UST: variants seen among roughly 807,000 people sequenced by gnomAD.
UST encodes the protein chondroitin sulfate 2-O-sulfotransferase.
Under a neutral mutation model 45.6 loss-of-function variants are expected in UST, and 21 were observed. The observed-to-expected ratio is 0.46, with a 90% CI of 0.33 to 0.66. UST has a LOEUF of 0.66. Among genes scored for constraint, UST ranks in the 30% least tolerant of loss-of-function variants. The pLI is 0.02. For missense variants in UST, 463 were observed against 512.4 expected, an observed-to-expected ratio of 0.90 and a Z score of 0.93; for synonymous variants, 215 against 200.6, an observed-to-expected ratio of 1.07 and a Z score of -0.61.
chr6:148,775,162 C>T (rs1776506853), intron 1 of UST, among the ~76,000 whole-genome samples: 1 of 152,162 alleles, frequency 6.6e-6, no homozygotes, highest in African/African-American at 2.4e-5. Context: ...CTCCTAGGCC[C>T]GCCCTCTACC....
intron 5 of UST, among the ~76,000 whole-genome samples, chr6:149,006,761 T>C (rs2115009143): frequency 6.6e-6 from 1 of 152,284 alleles, no homozygotes; most frequent in Admixed American, 6.5e-5. Flanking sequence ...GCAACTGTTG[T>C]TTCTTGACTT....
intron 7 of UST, among the ~76,000 whole-genome samples, chr6:149,030,678 A>G (rs1472921418): frequency 6.6e-6 from 1 of 151,812 alleles, no homozygotes; most frequent in Admixed American, 6.6e-5. Flanking sequence ...TTCAGCAGCC[A>G]TGTCCCAGGC....
Position 148,976,002 on chromosome 6 carries a change from G to A in UST, c.681+11439G>A, listed in dbSNP as rs934298288. Among the ~76,000 whole-genome samples, 9 of 152,184 alleles carry A rather than the reference G, an allele frequency of 5.9e-5. No individual in the cohort carries two copies. The South Asian group carries it at 1.2e-3, about 21-fold the overall frequency. On this transcript the variant is annotated intron_variant, in intron 5 of 7. Transcript: ENST00000367463. ...TATAGGCAACATTAACAGGCAAATC[G>A]AATGGAGACAATATTTACAAATATG... is the stretch of plus-strand genomic sequence containing the variant.
chr6:148,920,370 C>G (rs923354791), intron 2 of UST, among the ~76,000 whole-genome samples: 2 of 152,094 alleles, frequency 1.3e-5, no homozygotes, highest in African/African-American at 4.8e-5. Flanking sequence ...TCCAGCCTCG[C>G]CCCCACCACT....
intron 5 of UST, among the ~76,000 whole-genome samples, chr6:148,998,090 G>A (rs370683425): frequency 5.3e-5 from 8 of 152,226 alleles, no homozygotes; most frequent in Admixed American, 3.9e-4. Context: ...CAGCTAAGAA[G>A]GCAAAATCAT....
intron 7 of UST, among the ~76,000 whole-genome samples, chr6:149,062,742 CA>C (rs1776671765): frequency 6.6e-6 from 1 of 152,202 alleles, no homozygotes; most frequent in Non-Finnish European, 1.5e-5. Flanking sequence ...GCCCACTTTC[CA>C]GTGCTTGGAC....
At chr6:149,030,432 A>G (rs751743193) in intron 7 of UST, among the ~76,000 whole-genome samples, 3 of 151,740 alleles carry the variant, frequency 2.0e-5, no homozygotes, top group Admixed American at 1.3e-4. Context: ...ACTTGAGCCT[A>G]GGAATTCAAG....
chr6:148,873,496 C>A (rs976657708), intron 1 of UST, among the ~76,000 whole-genome samples: 2 of 152,156 alleles, frequency 1.3e-5, no homozygotes, highest in Admixed American at 6.5e-5. Flanking sequence ...ATGTTGCTCC[C>A]AGAGCTGAGA....
intron 5 of UST, among the ~76,000 whole-genome samples, chr6:148,965,393 C>T (rs1206039945): frequency 6.6e-6 from 1 of 152,098 alleles, no homozygotes; most frequent in East Asian, 1.9e-4. Flanking sequence ...TGGGGTTCAC[C>T]CGGACCCATC....
intron 1 of UST, among the ~76,000 whole-genome samples, chr6:148,778,889 G>A (rs1029417269): frequency 1.3e-5 from 2 of 152,018 alleles, no homozygotes; most frequent in Non-Finnish European, 2.9e-5. Context: ...CATCCCATCC[G>A]GAATCCAGAT....
intron 1 of UST, among the ~76,000 whole-genome samples, chr6:148,857,406 G>A (rs1038672499): frequency 3.9e-5 from 6 of 152,110 alleles, no homozygotes; most frequent in South Asian, 2.1e-4. Context: ...TACGCCCACC[G>A]TAAGTTCTGC....
intron 5 of UST, among the ~76,000 whole-genome samples, chr6:149,016,903 T>C (rs1217522510): frequency 6.6e-6 from 1 of 152,028 alleles, no homozygotes; most frequent in Non-Finnish European, 1.5e-5. Flanking sequence ...GCCACCAGGG[T>C]TATTGGGTCC....
chr6:148,973,340 A>G (rs545767852), intron 5 of UST, among the ~76,000 whole-genome samples: 1 of 152,338 alleles, frequency 6.6e-6, no homozygotes, highest in East Asian at 1.9e-4. Flanking sequence ...TTTGATGAAT[A>G]AAATATTTTA....
At chr6:148,856,457 C>T (rs1359379995) in intron 1 of UST, among the ~76,000 whole-genome samples, 1 of 152,228 alleles carries the variant, frequency 6.6e-6, no homozygotes, top group Non-Finnish European at 1.5e-5. Context: ...AAGTACGCAT[C>T]TACTAAGTCC....
At chr6:148,831,198 G>T (rs1159265129) in intron 1 of UST, among the ~76,000 whole-genome samples, 1 of 152,026 alleles carries the variant, frequency 6.6e-6, no homozygotes, top group African/African-American at 2.4e-5. Flanking sequence ...GACCAGCGCC[G>T]ACTGTTTCGC....
intron 4 of UST, among the ~76,000 whole-genome samples, chr6:148,955,283 C>T (rs1223791706): frequency 6.6e-6 from 1 of 152,242 alleles, no homozygotes; most frequent in Non-Finnish European, 1.5e-5. Context: ...TGACAACCCA[C>T]CTGGCTGGAA....
At chr6:148,814,663 G>A (rs1777323372) in intron 1 of UST, among the ~76,000 whole-genome samples, 1 of 152,130 alleles carries the variant, frequency 6.6e-6, no homozygotes, top group South Asian at 2.1e-4. Flanking sequence ...GTTGTTTGTA[G>A]ACCTCAGAAA....
At chr6:148,876,737 A>C (rs1778659500) in intron 1 of UST, among the ~76,000 whole-genome samples, 1 of 151,530 alleles carries the variant, frequency 6.6e-6, no homozygotes, top group African/African-American at 2.4e-5. Flanking sequence ...CAATTCTACC[A>C]ATTTCTTCTT....
intron 3 of UST, among the ~76,000 whole-genome samples, chr6:148,946,819 A>C (rs1218716102): frequency 5.5e-5 from 4 of 72,456 alleles, no homozygotes; most frequent in East Asian, 9.2e-4. Flanking sequence ...ATCCCAAAAA[A>C]AAAAAAAAAA....
Sources: allele counts gnomAD v4.1 joint callset (sites outside exome capture counted in the v4.1 genomes callset), GRCh38; gene constraint gnomAD v4.1.1; transcripts MANE v1.5; gene names NCBI Gene and HGNC (gene_info 2026-07-23, HGNC 2026-07-21).